The following PTGFR variants were observed in gnomAD, a reference collection of about 807,000 sequenced individuals.
PTGFR encodes the protein prostaglandin F receptor.
Under a neutral mutation model 26.2 loss-of-function variants are expected in PTGFR, and 15 were observed. The ratio of observed to expected loss-of-function variants is 0.57; its 90% confidence interval spans 0.38 to 0.88. The LOEUF (loss-of-function observed/expected upper bound fraction) is 0.88, where lower values mean the gene tolerates loss of function less well. PTGFR is among the 40% of genes least tolerant of loss of function. The pLI, the probability that PTGFR is intolerant of heterozygous loss-of-function variation, is 0.00. For synonymous variants in PTGFR, 165 were observed against 151.1 expected (o/e 1.09, Z -0.68); for missense variants, 369 against 427.2 (o/e 0.86, Z 1.20).
intron 2 of PTGFR, among the ~76,000 whole-genome samples, chr1:78,497,492 C>T (rs1277572898): frequency 6.6e-6 from 1 of 152,110 alleles, no homozygotes; most frequent in Non-Finnish European, 1.5e-5. Context: ...AAGAGATTCA[C>T]CAGCACTTTT....
chr1:78,516,693 T>C (rs1334013704), intron 2 of PTGFR, among the ~76,000 whole-genome samples: 1 of 152,182 alleles, frequency 6.6e-6, no homozygotes, highest in Non-Finnish European at 1.5e-5. Context: ...ATTTAAAAAA[T>C]GGACAGCTAT....
At chr1:78,532,277 G>T (rs778299633) in intron 2 of PTGFR, 31 of 367,758 alleles carry the variant, frequency 8.4e-5, no homozygotes, top group South Asian at 4.6e-4. Context: ...ACATGAAAGT[G>T]GATCAAACAA....
chr1:78,526,494 A>G (rs3766343), intron 2 of PTGFR, among the ~76,000 whole-genome samples: 2,056 of 152,196 alleles, frequency 0.014, 42 homozygotes, highest in South Asian at 0.043. Flanking sequence ...ACAGACATCC[A>G]GGCATCCTAA....
chr1:78,497,091 T>C (rs1649571688), intron 2 of PTGFR, among the ~76,000 whole-genome samples: 1 of 152,164 alleles, frequency 6.6e-6, no homozygotes, highest in Non-Finnish European at 1.5e-5. Flanking sequence ...GAATAAATGT[T>C]TTAAATTAAA....
intron 2 of PTGFR, among the ~76,000 whole-genome samples, chr1:78,524,290 A>G (rs1650316778): frequency 6.6e-6 from 1 of 152,092 alleles, no homozygotes; most frequent in Admixed American, 6.6e-5. Context: ...CACTGGAGCA[A>G]GAGTAATCCA....
rs1261983710 is a variant in PTGFR, at chr1:78,539,899, ATCT to A, written c.*3216_*3218del. 2 of 152,058 alleles carry A rather than the reference ATCT, an allele frequency of 1.3e-5. No homozygotes were observed. The highest frequency in any genetic ancestry group is 3.9e-4 in the East Asian group (2 of 5,188). 9.4% of individuals were successfully genotyped at this position (152,058 alleles called of 1,614,324 possible). A position where few individuals can be genotyped will look rare whatever the true frequency, so the allele number is the denominator to read the frequency against. ...CCCACCCTGCCCAATCTTCTGTGAT[ATCT>A]TCTCTCTTTTACCTGTGTCTCAACT... On this transcript the variant is annotated 3_prime_UTR_variant, in exon 3 of 3. Coordinates refer to ENST00000370757, the MANE Select transcript of PTGFR (RefSeq NM_000959.4).
rs117212621 is a variant in PTGFR at position 78,513,878 on chromosome 1, C to T, written c.798+20337C>T. ...CAAAGGGCCTCAGGCAGATCTTGGC[C>T]ACTGCCAAGTGTGTAAGCCTATGGC... On this transcript the variant is annotated intron_variant, in intron 2 of 2. Coordinates refer to ENST00000370757, the MANE Select transcript of PTGFR (RefSeq NM_000959.4). Among the ~76,000 whole-genome samples the T allele has an allele frequency of 2.7e-4, 41 of 152,364 alleles. No individual in the cohort carries two copies. In the East Asian group the frequency reaches 7.9e-3, roughly 29 times the overall value.
chr1:78,525,291 T>G (rs760923464), intron 2 of PTGFR, among the ~76,000 whole-genome samples: 3 of 152,058 alleles, frequency 2.0e-5, no homozygotes, highest in Non-Finnish European at 4.4e-5. Context: ...CCCAGCCACC[T>G]GAACTTCTGA....
intron 2 of PTGFR, among the ~76,000 whole-genome samples, chr1:78,493,822 AAT>A (rs1360343618): frequency 2.6e-5 from 4 of 152,242 alleles, no homozygotes; most frequent in African/African-American, 9.6e-5. Context: ...TAACATACTG[AAT>A]ATGATTATTT....
rs762675383 is a variant in PTGFR, at chr1:78,536,674, C to T, written c.1067C>T (p.Ser356Leu). ...TCTGAGTCACCAGTTGCAGAGAAAT[C>T]AGCAAGCACCTAGCTTAATAGGACA... is the stretch of plus-strand genomic sequence containing the variant. ...AISESPVAEK[S>L]AST Residue 356 changes from serine to leucine, a missense_variant, in exon 3 of 3, where the codon TCA (serine) becomes TTA (leucine). Transcript: ENST00000370757. 1 of 1,611,948 alleles carries T rather than the reference C, an allele frequency of 6.2e-7. No individual in the cohort carries two copies. The highest frequency in any genetic ancestry group is 1.1e-5 in the South Asian group (1 of 90,848).
rs749383695 is a variant in PTGFR at position 78,536,640 on chromosome 1, G to A, written c.1033G>A (p.Ala345Thr). ...TTCCATTAAAAATTCCTTAAAGGTT[G>A]CTGCTATTTCTGAGTCACCAGTTGC... is the stretch of plus-strand genomic sequence containing the variant. ...LSSIKNSLKV[A>T]AISESPVAEK... Residue 345 changes from alanine (A) to threonine (T), a missense_variant, in exon 3 of 3, where the codon GCT (alanine) becomes ACT (threonine). Coordinates refer to ENST00000370757, the MANE Select transcript of PTGFR (RefSeq NM_000959.4). 2.5e-6 allele frequency: 4 copies of A among 1,612,874 alleles called. No homozygotes were observed. Among genetic ancestry groups the A allele is most frequent in the Admixed American group, 3.3e-5 (2 of 59,854 alleles).
chr1:78,532,767 A>C (rs1454265075), intron 2 of PTGFR, among the ~76,000 whole-genome samples: 2 of 151,728 alleles, frequency 1.3e-5, no homozygotes, highest in Non-Finnish European at 2.9e-5. Context: ...CAGATATGTC[A>C]CTGTAACTCC....
chr1:78,536,079 G>A (rs1474226441), intron 2 of PTGFR, among the ~76,000 whole-genome samples: 1 of 152,134 alleles, frequency 6.6e-6, no homozygotes, highest in Non-Finnish European at 1.5e-5. Flanking sequence ...ACAAATGTGT[G>A]TTGGCTTTGC....
intron 2 of PTGFR, among the ~76,000 whole-genome samples, chr1:78,516,263 G>A (rs1297710313): frequency 6.6e-6 from 1 of 152,140 alleles, no homozygotes; most frequent in Non-Finnish European, 1.5e-5. Flanking sequence ...TATGTTCAGA[G>A]GGTTTACCTA....
rs540247946 is a variant in PTGFR, at chr1:78,536,533, A to C, written c.926A>C (p.Lys309Thr). 1.5e-4 allele frequency: 248 copies of C among 1,613,418 alleles called. No homozygotes were observed. The highest frequency in any genetic ancestry group is 5.5e-4 in the Admixed American group (33 of 59,928). ...CCTTGGGTATATATTCTTCTACGAA[A>C]GGCTGTCCTTAAGAATCTCTATAAG... ...LDPWVYILLR[K>T]AVLKNLYKLA... Residue 309 changes from lysine to threonine, a missense_variant, in exon 3 of 3, where the codon AAG becomes ACG. By Grantham distance (78) the Lys-to-Thr change is moderately conservative. Transcript: ENST00000370757.
In PTGFR at chr1:78,532,971, G is replaced by C. The variant is rs1036452451; in HGVS notation, c.799-3435G>C. ...AATATATAAGGCTAATGTAGTCCTG[G>C]AGGCACAGATAGTAGTTTGTCCAAA... On this transcript the variant is annotated intron_variant, in intron 2 of 2. Coordinates refer to ENST00000370757, the MANE Select transcript of PTGFR (RefSeq NM_000959.4). Among the ~76,000 whole-genome samples, 8 of 152,242 alleles carry C rather than the reference G, an allele frequency of 5.3e-5. No individual in the cohort carries two copies. The South Asian group carries it at 1.7e-3, about 32-fold the overall frequency.
intron 2 of PTGFR, among the ~76,000 whole-genome samples, chr1:78,514,917 C>T (rs1650058374): frequency 6.6e-6 from 1 of 152,150 alleles, no homozygotes; most frequent in South Asian, 2.1e-4. Flanking sequence ...CCCCCTTAAC[C>T]TGCTGCCGTG....
At chr1:78,535,036 G>A (rs752445771) in intron 2 of PTGFR, among the ~76,000 whole-genome samples, 3 of 152,168 alleles carry the variant, frequency 2.0e-5, no homozygotes, top group African/African-American at 7.2e-5. Flanking sequence ...AGAGAGTAAT[G>A]ATGAGTGCTT....
chr1:78,501,182 TA>T (rs1649696178), intron 2 of PTGFR, among the ~76,000 whole-genome samples: 1 of 152,230 alleles, frequency 6.6e-6, no homozygotes, highest in Non-Finnish European at 1.5e-5. Context: ...GGCTTTTCAT[TA>T]AGCTCCAAAA....
Sources: gnomAD v4.1 joint callset for allele counts (sites outside exome capture counted in the v4.1 genomes callset) on GRCh38, gnomAD v4.1.1 for gene constraint, MANE v1.5 for transcripts, NCBI Gene and HGNC (gene_info 2026-07-23, HGNC 2026-07-21) for gene names.